FKBP1A: variants seen among roughly 807,000 people sequenced by gnomAD.
The protein encoded by FKBP1A is FKBP prolyl isomerase 1A.
A neutral mutation model predicts 14.2 loss-of-function variants in FKBP1A; 5 were observed. That is an observed-to-expected ratio of 0.35 (90% confidence interval 0.18 to 0.74). The LOEUF (loss-of-function observed/expected upper bound fraction) is 0.74, where lower values mean the gene tolerates loss of function less well. FKBP1A is among the 30% of genes least tolerant of loss of function. The probability of loss-of-function intolerance (pLI) is 0.56; values close to 1 mark genes in which losing one functional copy is unlikely to be tolerated. For synonymous variants in FKBP1A, 42 were observed against 49.1 expected (o/e 0.86, Z 0.60); for missense variants, 53 against 138.8 (o/e 0.38, Z 3.10).
At chr20:1,391,179 T>C (rs2122713648) in intron 2 of FKBP1A, among the ~76,000 whole-genome samples, 1 of 152,262 alleles carries the variant, frequency 6.6e-6, no homozygotes, top group Middle Eastern at 3.4e-3. Flanking sequence ...AGTGTGGCTA[T>C]GTACAAGCTA....
rs192285157 is a variant in FKBP1A at position 1,372,566 on chromosome 20, T to A, written c.199-326A>T. ...ACATTCCAGATGTCTCACCACCTAG[T>A]CCCCTTCAGTGATCTGTCACTTAAA... On this transcript the variant is annotated intron_variant, in intron 3 of 4. Transcript: ENST00000400137. Among the ~76,000 whole-genome samples, 7 of 152,226 alleles carry A rather than the reference T, an allele frequency of 4.6e-5. No homozygotes were observed. The East Asian group carries it at 1.4e-3, about 29-fold the overall frequency.
intron 2 of FKBP1A, 80 bp downstream of exon 2, chr20:1,392,754 G>A (rs1402365147): frequency 6.4e-6 from 7 of 1,088,570 alleles, no homozygotes; most frequent in Admixed American, 8.2e-5. Context: ...CAGGCCCCGG[G>A]CCCCCAGGCC....
chr20:1,387,673 C>T (rs1441879740), intron 2 of FKBP1A, among the ~76,000 whole-genome samples: 3 of 151,950 alleles, frequency 2.0e-5, no homozygotes, highest in Admixed American at 6.6e-5. Context: ...TGGCGAAACC[C>T]GTCTCTACAA....
At chr20:1,390,364 G>C (rs1020454517) in intron 2 of FKBP1A, among the ~76,000 whole-genome samples, 4 of 141,652 alleles carry the variant, frequency 2.8e-5, no homozygotes, top group Admixed American at 7.2e-5. Flanking sequence ...GGGGAGGGGG[G>C]AGGGGGGACG....
chr20:1,378,939 A>C (rs965994216), intron 2 of FKBP1A, among the ~76,000 whole-genome samples: 55 of 152,310 alleles, frequency 3.6e-4, no homozygotes, highest in African/African-American at 1.3e-3. Context: ...ACACACCCAC[A>C]TTTTGTCTGT....
chr20:1,370,555 T>C, intron 4 of FKBP1A: 1 of 985,452 alleles, frequency 1.0e-6, no homozygotes. Context: ...AAACTGGTCA[T>C]TCATAATGTT....
intron 2 of FKBP1A, chr20:1,378,300 GA>G (rs1456855995): frequency 1.3e-5 from 2 of 152,468 alleles, no homozygotes; most frequent in African/African-American, 4.8e-5. Context: ...CTCATGTTCT[GA>G]GGTGATTAAA....
intron 2 of FKBP1A, chr20:1,378,741 G>C (rs1203630849): frequency 1.3e-5 from 2 of 152,124 alleles, no homozygotes; most frequent in Non-Finnish European, 2.9e-5. Context: ...CCTTAGGTTG[G>C]GTCTTCAGTT....
rs145404495 is a variant in FKBP1A, at chr20:1,369,930, C to G, written c.*179G>C. The G allele has an allele frequency of 1.3e-4, 171 of 1,291,976 alleles. 1 individual carries two copies. In the East Asian group the frequency reaches 3.4e-3, roughly 25 times the overall value. The allele number at this position is 1,291,976 out of a possible 1,614,324, so 80.0% of individuals were successfully genotyped here. ...TACGAGGAGAAAGGGGAAGAGGAAA[C>G]AGAGGTGTCGGAAGCAAAGCTGAGT... On this transcript the variant is annotated 3_prime_UTR_variant, in exon 5 of 5. Transcript: ENST00000400137.
At chr20:1,374,504 T>G (rs2089511340) in intron 3 of FKBP1A, 1 of 152,230 alleles carries the variant, frequency 6.6e-6, no homozygotes, top group Non-Finnish European at 1.5e-5. Context: ...TTTAACAATA[T>G]ACTGTGATGC....
At chr20:1,382,398 C>T (rs2089627131) in intron 2 of FKBP1A, among the ~76,000 whole-genome samples, 1 of 152,156 alleles carries the variant, frequency 6.6e-6, no homozygotes, top group African/African-American at 2.4e-5. Context: ...CAGAACTGAC[C>T]AATTTCATTC....
At chr20:1,383,192 C>T (rs1215366820) in intron 2 of FKBP1A, among the ~76,000 whole-genome samples, 1 of 152,186 alleles carries the variant, frequency 6.6e-6, no homozygotes, top group African/African-American at 2.4e-5. Flanking sequence ...TACTGGGTAA[C>T]AGGACTGAAG....
chr20:1,376,822 G>A (rs1412930889), intron 2 of FKBP1A: 13 of 152,034 alleles, frequency 8.6e-5, no homozygotes, highest in Admixed American at 3.9e-4. Flanking sequence ...GACAAGCCAC[G>A]ACGGCGCCTT....
At position 1,393,024 on chromosome 20, in the gene FKBP1A, G is replaced by A. The variant is rs1235284230; in HGVS notation, c.-26C>T. 1.4e-6 allele frequency: 2 copies of A among 1,443,266 alleles called. No homozygotes were observed. The highest frequency in any genetic ancestry group is 3.0e-5 in the Admixed American group (1 of 33,192). 89.4% of individuals were successfully genotyped at this position (1,443,266 alleles called of 1,614,324 possible). A position where few individuals can be genotyped will look rare whatever the true frequency, so the allele number is the denominator to read the frequency against. On this transcript the variant is annotated 5_prime_UTR_variant, in exon 1 of 5. Transcript: ENST00000400137. ...GGCGGCGGCGGACGCTGAGCGGGCG[G>A]GCGGCGCGACGGGCGGCGTGGACCA...
chr20:1,387,152 A>T (rs1361614786), intron 2 of FKBP1A, among the ~76,000 whole-genome samples: 2 of 152,348 alleles, frequency 1.3e-5, no homozygotes, highest in Non-Finnish European at 2.9e-5. Flanking sequence ...AAAATGTTCT[A>T]GTTAAAACAT....
At chr20:1,371,512 T>C (rs2089463986) in intron 4 of FKBP1A, among the ~76,000 whole-genome samples, 2 of 152,204 alleles carry the variant, frequency 1.3e-5, no homozygotes, top group African/African-American at 4.8e-5. Flanking sequence ...CACTCACTGA[T>C]AAGCTGGCCT....
intron 2 of FKBP1A, among the ~76,000 whole-genome samples, chr20:1,389,871 C>T (rs1421102538): frequency 6.6e-6 from 1 of 152,194 alleles, no homozygotes; most frequent in Middle Eastern, 3.2e-3. Flanking sequence ...TACTTGGCAG[C>T]TTACCTTTCC....
At chr20:1,392,778 G>T in intron 2 of FKBP1A, 56 bp downstream of exon 2, 3 of 1,358,438 alleles carry the variant, frequency 2.2e-6, no homozygotes, top group South Asian at 3.0e-5. Flanking sequence ...ACGGCCAGCC[G>T]CACCCGGGCT....
At chr20:1,384,229 T>C (rs1054820560) in intron 2 of FKBP1A, among the ~76,000 whole-genome samples, 1 of 152,172 alleles carries the variant, frequency 6.6e-6, no homozygotes, top group African/African-American at 2.4e-5. Flanking sequence ...AAATATAATG[T>C]AATTAAATAG....
Sources: gnomAD v4.1 joint callset for allele counts (sites outside exome capture counted in the v4.1 genomes callset) on GRCh38, gnomAD v4.1.1 for gene constraint, MANE v1.5 for transcripts, NCBI Gene and HGNC (gene_info 2026-07-23, HGNC 2026-07-21) for gene names.